SIPA1L3: variants seen among roughly 807,000 people sequenced by gnomAD.
The protein encoded by SIPA1L3 is signal-induced proliferation-associated 1-like protein 3.
In SIPA1L3, 59 loss-of-function variants were observed where a neutral mutation model predicts 150.1. That is an observed-to-expected ratio of 0.39 (90% CI 0.32 to 0.49). The LOEUF is 0.49. SIPA1L3 is among the 20% of genes least tolerant of loss of function. The pLI, the probability that SIPA1L3 is intolerant of heterozygous loss-of-function variation, is 0.86. For missense variants in SIPA1L3, 2,211 were observed against 2,489.5 expected (o/e 0.89, Z 2.38); for synonymous variants, 1,070 against 1,077.6 (o/e 0.99, Z 0.14).
At chr19:38,034,785 G>C (rs1205848585) in intron 2 of SIPA1L3, among the ~76,000 whole-genome samples, 1 of 152,154 alleles carries the variant, frequency 6.6e-6, no homozygotes, top group East Asian at 1.9e-4. Flanking sequence ...ACCCCTCTTG[G>C]CCTCCCTTTT....
chr19:38,193,510 C>T, intron 17 of SIPA1L3, 27 bp from the exon 18 acceptor site: 3 of 1,437,292 alleles, frequency 2.1e-6, no homozygotes, highest in African/African-American at 1.5e-5. Flanking sequence ...CTGTGACCTC[C>T]CCCAACATCC....
intron 18 of SIPA1L3, 43 bp downstream of exon 18, chr19:38,193,823 G>T (rs1394683352): frequency 3.3e-6 from 5 of 1,495,560 alleles, no homozygotes; most frequent in African/African-American, 1.4e-5. Flanking sequence ...GTTACCCCAA[G>T]GTTGGGAGGT....
intron 1 of SIPA1L3, among the ~76,000 whole-genome samples, chr19:37,919,773 C>T (rs148306448): frequency 0.01 from 1,385 of 136,108 alleles, 39 homozygotes; most frequent in East Asian, 0.078. Flanking sequence ...TGCAGTGGCG[C>T]GATCTCAGCT....
At chr19:38,030,623 A>AATACACATATATATATATATAT (rs1250170240) in intron 2 of SIPA1L3, among the ~76,000 whole-genome samples, 2 of 42,630 alleles carry the variant, frequency 4.7e-5, no homozygotes, top group African/African-American at 5.9e-5. Context: ...ATATGTGGCA[A>AATACACATATATATATATATAT]ATATATATAT....
At chr19:37,985,201 T>C (rs1180031667) in intron 1 of SIPA1L3, among the ~76,000 whole-genome samples, 2 of 150,156 alleles carry the variant, frequency 1.3e-5, no homozygotes, top group African/African-American at 2.4e-5. Context: ...TTTTTTTCTT[T>C]TTTTTTTTTT....
At chr19:38,099,889 A>T (rs1970461596) in intron 4 of SIPA1L3, 73 bp from the exon 5 acceptor site, 1 of 1,238,422 alleles carries the variant, frequency 8.1e-7, no homozygotes, top group Non-Finnish European at 1.1e-6. Context: ...TCAAAACAAG[A>T]TACCTCTGCT....
chr19:38,142,451 A>G (rs1600128857), intron 11 of SIPA1L3, 122 bp from the exon 12 acceptor site: 2 of 1,133,086 alleles, frequency 1.8e-6, no homozygotes, highest in Non-Finnish European at 1.2e-6. Context: ...TGGGCGGGGG[A>G]AAGTTCGGTT....
intron 11 of SIPA1L3, among the ~76,000 whole-genome samples, chr19:38,142,034 TTTAGGACAGTGACTTC>T (rs1402041180): frequency 2.6e-5 from 4 of 152,036 alleles, no homozygotes; most frequent in Non-Finnish European, 4.4e-5. Flanking sequence ...AAGCACAAAA[TTTAGGACAGTGACTTC>T]TTCCTGGAGG....
chr19:38,152,260 G>A (rs1971840937), intron 12 of SIPA1L3, among the ~76,000 whole-genome samples: 1 of 152,182 alleles, frequency 6.6e-6, no homozygotes, highest in South Asian at 2.1e-4. Context: ...GGACATGACG[G>A]GGCATCCTTC....
chr19:38,110,592 T>C (rs1970716524), intron 8 of SIPA1L3, among the ~76,000 whole-genome samples: 1 of 152,110 alleles, frequency 6.6e-6, no homozygotes, highest in Non-Finnish European at 1.5e-5. Flanking sequence ...CATCAGGGAT[T>C]TGTATTTGCT....
chr19:38,079,045 C>T (rs151052044), intron 2 of SIPA1L3, among the ~76,000 whole-genome samples: 123 of 152,274 alleles, frequency 8.1e-4, no homozygotes, highest in Non-Finnish European at 1.4e-3. Context: ...ACTAAACGAA[C>T]GTCCTGGACG....
chr19:37,971,588 CAG>C (rs894941115), intron 1 of SIPA1L3, among the ~76,000 whole-genome samples: 2 of 150,368 alleles, frequency 1.3e-5, no homozygotes, highest in African/African-American at 4.9e-5. Flanking sequence ...TTTGCAGAGA[CAG>C]AGTCTTGCTC....
In SIPA1L3 at chr19:38,042,302, CTATTT is replaced by C. The variant is rs556975610; in HGVS notation, c.-311+13151_-311+13155del. Among the ~76,000 whole-genome samples, 83 of 152,182 alleles carry C rather than the reference CTATTT, an allele frequency of 5.5e-4. 1 individual carries two copies. The highest frequency in any genetic ancestry group is 5.0e-3 in the Admixed American group (77 of 15,266). On this transcript the variant is annotated intron_variant, in intron 2 of 21. Coordinates refer to ENST00000222345, the MANE Select transcript of SIPA1L3 (RefSeq NM_015073.3). ...ACTTATGTTTGGATTTATTTCTGGG[CTATTT>C]TATTCTGTTTTTATGTCAGCACCAT...
At chr19:38,028,610 GCT>G (rs1968569731) in intron 1 of SIPA1L3, among the ~76,000 whole-genome samples, 1 of 151,986 alleles carries the variant, frequency 6.6e-6, no homozygotes, top group African/African-American at 2.4e-5. Flanking sequence ...TAGAATGTCT[GCT>G]CTCTGAGGAC....
chr19:37,930,835 C>G (rs370344715), intron 1 of SIPA1L3, among the ~76,000 whole-genome samples: 11 of 151,966 alleles, frequency 7.2e-5, no homozygotes, highest in Admixed American at 2.0e-4. Context: ...CCCCTCCCCC[C>G]CAACCCCCAA....
At chr19:38,173,364 C>T (rs981075093) in intron 15 of SIPA1L3, among the ~76,000 whole-genome samples, 12 of 152,246 alleles carry the variant, frequency 7.9e-5, no homozygotes, top group African/African-American at 2.9e-4. Flanking sequence ...TCCAGACATT[C>T]GTCATGGGAG....
intron 19 of SIPA1L3, among the ~76,000 whole-genome samples, chr19:38,199,604 A>G (rs1030436887): frequency 3.3e-5 from 5 of 151,766 alleles, no homozygotes; most frequent in African/African-American, 1.2e-4. Context: ...ACAGAAGGTT[A>G]CGGGGGAGAG....
chr19:38,102,894 G>A (rs1376276433), intron 6 of SIPA1L3, among the ~76,000 whole-genome samples: 1 of 152,172 alleles, frequency 6.6e-6, no homozygotes, highest in East Asian at 1.9e-4. Context: ...TGAGGCCGAG[G>A]CGGGTGGATC....
intron 13 of SIPA1L3, 134 bp downstream of exon 13, chr19:38,153,101 T>C: frequency 8.4e-7 from 1 of 1,191,462 alleles, no homozygotes; most frequent in Non-Finnish European, 1.1e-6. Context: ...AAGCGCCACA[T>C]GTAAGACTAG....
Sources: allele counts gnomAD v4.1 joint callset (sites outside exome capture counted in the v4.1 genomes callset), GRCh38; gene constraint gnomAD v4.1.1; transcripts MANE v1.5; gene names NCBI Gene and HGNC (gene_info 2026-07-23, HGNC 2026-07-21).